KLHL1: variants seen among roughly 807,000 people sequenced by gnomAD.
KLHL1 encodes kelch-like protein 1.
KLHL1 carries 47 observed loss-of-function variants against 77.7 expected under a neutral mutation model. That is an observed-to-expected ratio of 0.60 (90% CI 0.48 to 0.77). The LOEUF (loss-of-function observed/expected upper bound fraction) is 0.77. Ranked by LOEUF, KLHL1 falls within the 30% of genes least tolerant of loss-of-function variation. The pLI is 0.00. For synonymous variants in KLHL1, 360 were observed against 325.2 expected (o/e 1.11, Z -1.15); for missense variants, 925 against 910.8 (o/e 1.02, Z -0.20).
At chr13:69,813,330 G>C (rs993634370) in intron 6 of KLHL1, among the ~76,000 whole-genome samples, 1 of 151,894 alleles carries the variant, frequency 6.6e-6, no homozygotes, top group Non-Finnish European at 1.5e-5. Context: ...GTTGTGGGGT[G>C]GGGGGAGAGG....
intron 6 of KLHL1, among the ~76,000 whole-genome samples, chr13:69,809,696 T>C (rs1013900329): frequency 1.3e-5 from 2 of 151,882 alleles, no homozygotes; most frequent in Non-Finnish European, 2.9e-5. Flanking sequence ...CAAATATCAA[T>C]ATCAACATTG....
intron 4 of KLHL1, among the ~76,000 whole-genome samples, chr13:69,882,859 CAT>C (rs2138196127): frequency 6.6e-6 from 1 of 152,134 alleles, no homozygotes; most frequent in African/African-American, 2.4e-5. Context: ...TATATGTAGA[CAT>C]ATATATGAGG....
intron 1 of KLHL1, among the ~76,000 whole-genome samples, chr13:69,980,654 T>C (rs17086082): frequency 0.15 from 23,160 of 152,142 alleles, 3,760 homozygotes; most frequent in African/African-American, 0.41. Context: ...CAGAAAGCCT[T>C]ATTTTTTTCA....
At chr13:69,727,072 A>G (rs890283909) in intron 8 of KLHL1, among the ~76,000 whole-genome samples, 1 of 152,174 alleles carries the variant, frequency 6.6e-6, no homozygotes, top group Admixed American at 6.6e-5. Context: ...GGAACACAAA[A>G]GTAGGGAAGA....
At chr13:70,055,276 T>A (rs764251311) in intron 1 of KLHL1, among the ~76,000 whole-genome samples, 3 of 152,132 alleles carry the variant, frequency 2.0e-5, no homozygotes, top group Non-Finnish European at 4.4e-5. Context: ...AAATGACACA[T>A]ATTTGATGTG....
intron 4 of KLHL1, among the ~76,000 whole-genome samples, chr13:69,900,764 G>C (rs1036653787): frequency 6.6e-6 from 1 of 152,176 alleles, no homozygotes; most frequent in African/African-American, 2.4e-5. Flanking sequence ...TTATCCCATT[G>C]ATTGACAGCT....
chr13:69,890,256 G>T (rs1489760923), intron 4 of KLHL1, among the ~76,000 whole-genome samples: 3 of 151,914 alleles, frequency 2.0e-5, no homozygotes, highest in Non-Finnish European at 4.4e-5. Flanking sequence ...GAAAATGTTT[G>T]TAATAGATCA....
intron 1 of KLHL1, among the ~76,000 whole-genome samples, chr13:70,068,177 TAAAAATACAA>T (rs1438098339): frequency 2.0e-5 from 3 of 151,586 alleles, no homozygotes; most frequent in African/African-American, 7.3e-5. Context: ...CCATCTCTAC[TAAAAATACAA>T]AAAATTGGCC....
In KLHL1 at chr13:69,751,329, C is replaced by A. The variant is rs189073698; in HGVS notation, c.1640-10773G>T. 2.6e-4 allele frequency among the ~76,000 whole-genome samples: 40 copies of A among 152,078 alleles called. 1 individual carries two copies. Among genetic ancestry groups the A allele is most frequent in the Admixed American group, 2.1e-3 (32 of 15,230 alleles). ...ATGATATGCCTTCTATAAGTTCATA[C>A]CCTCACAGAACGCGTACAGGTGGAT... On this transcript the variant is annotated intron_variant, in intron 7 of 10. Coordinates refer to ENST00000377844, the MANE Select transcript of KLHL1 (RefSeq NM_020866.3).
intron 4 of KLHL1, among the ~76,000 whole-genome samples, chr13:69,927,313 C>T (rs150328568): frequency 6.6e-6 from 1 of 152,150 alleles, no homozygotes; most frequent in African/African-American, 2.4e-5. Flanking sequence ...CAAAAGACAA[C>T]ATATGTGGGA....
chr13:70,022,468 T>C (rs915319454), intron 1 of KLHL1, among the ~76,000 whole-genome samples: 3 of 151,922 alleles, frequency 2.0e-5, no homozygotes, highest in African/African-American at 7.2e-5. Context: ...ATGGTCTTCA[T>C]TGTACTCTAA....
intron 7 of KLHL1, among the ~76,000 whole-genome samples, chr13:69,793,220 T>C (rs1020889553): frequency 3.9e-5 from 6 of 152,044 alleles, no homozygotes; most frequent in African/African-American, 1.4e-4. Flanking sequence ...TTATATGACA[T>C]AAAATATTAT....
chr13:69,852,058 A>C (rs1271715623), intron 5 of KLHL1, among the ~76,000 whole-genome samples: 1 of 151,928 alleles, frequency 6.6e-6, no homozygotes, highest in African/African-American at 2.4e-5. Flanking sequence ...ACATGCATCT[A>C]TGCATATTAT....
chr13:69,701,770 A>C lies in KLHL1; in HGVS notation c.2188-9T>G. The C allele has an allele frequency of 6.2e-7, 1 of 1,600,244 alleles. No individual in the cohort carries two copies. Among genetic ancestry groups the C allele is most frequent in the Non-Finnish European group, 8.5e-7 (1 of 1,171,416 alleles). On this transcript the variant is annotated splice_polypyrimidine_tract_variant and intron_variant, in intron 10 of 10. Coordinates refer to ENST00000377844, the MANE Select transcript of KLHL1 (RefSeq NM_020866.3). Reference sequence around the variant, plus strand: ...ATATTCAAGGAAGCCATCTGTTAAAAAAGATGAAACACAACTTAAGACAAG... The same window carrying C: ...ATATTCAAGGAAGCCATCTGTTAAACAAGATGAAACACAACTTAAGACAAG...
At chr13:70,093,143 T>C (rs1887707202) in intron 1 of KLHL1, among the ~76,000 whole-genome samples, 1 of 152,178 alleles carries the variant, frequency 6.6e-6, no homozygotes, top group African/African-American at 2.4e-5. Flanking sequence ...AATTATGTGA[T>C]TGTCTAGAAT....
chr13:70,051,823 T>C lies in KLHL1; in HGVS notation c.497+55380A>G, dbSNP rs191520215. Among the ~76,000 whole-genome samples, 141 of 152,144 alleles carry C rather than the reference T, an allele frequency of 9.3e-4. 1 individual carries two copies. Among genetic ancestry groups the C allele is most frequent in the Non-Finnish European group, 1.5e-3 (101 of 67,908 alleles). Reference sequence around the variant, plus strand: ...GTTCTGCTAACTTTTCAGAGATTGATGGTAGACTGCTAAGGAAATACTTGA... The same window carrying C: ...GTTCTGCTAACTTTTCAGAGATTGACGGTAGACTGCTAAGGAAATACTTGA... On this transcript the variant is annotated intron_variant, in intron 1 of 10. Transcript: ENST00000377844.
intron 1 of KLHL1, among the ~76,000 whole-genome samples, chr13:70,085,728 G>A (rs997333036): frequency 1.3e-5 from 2 of 152,076 alleles, no homozygotes; most frequent in East Asian, 1.9e-4. Flanking sequence ...GCTGGGTGTG[G>A]TGGAAGGCAC....
intron 1 of KLHL1, among the ~76,000 whole-genome samples, chr13:70,029,258 G>C (rs1433120500): frequency 1.3e-5 from 2 of 152,076 alleles, no homozygotes; most frequent in African/African-American, 4.8e-5. Context: ...GGAAATGGCT[G>C]AATATATGGG....
At chr13:70,065,703 G>T (rs1482813776) in intron 1 of KLHL1, among the ~76,000 whole-genome samples, 16 of 152,102 alleles carry the variant, frequency 1.1e-4, no homozygotes, top group Non-Finnish European at 5.9e-5. Context: ...CTGTAAAGAG[G>T]AGTAATGTAA....
Sources: gnomAD v4.1 joint callset for allele counts (sites outside exome capture counted in the v4.1 genomes callset) on GRCh38, gnomAD v4.1.1 for gene constraint, MANE v1.5 for transcripts, NCBI Gene and HGNC (gene_info 2026-07-23, HGNC 2026-07-21) for gene names.